LPIN2: variants seen among roughly 807,000 people sequenced by gnomAD.
LPIN2 encodes the protein phosphatidate phosphatase LPIN2.
In LPIN2, 55 loss-of-function variants were observed where a neutral mutation model predicts 111.4. The observed-to-expected ratio is 0.49, with a 90% CI of 0.40 to 0.62. The LOEUF is 0.62. Among genes scored for constraint, LPIN2 ranks in the 20% least tolerant of loss-of-function variants. The pLI, the probability that LPIN2 is intolerant of heterozygous loss-of-function variation, is 0.00. For missense variants in LPIN2, 992 were observed against 1,112.1 expected, an observed-to-expected ratio of 0.89 and a Z score of 1.54; for synonymous variants, 425 against 414.0, an observed-to-expected ratio of 1.03 and a Z score of -0.32.
intron 1 of LPIN2, among the ~76,000 whole-genome samples, chr18:2,998,952 T>C (rs11661976): frequency 0.064 from 9,806 of 152,218 alleles, 410 homozygotes; most frequent in Non-Finnish European, 0.095. Context: ...CATGCAGAAA[T>C]TTTGGCAGTC....
chr18:2,998,576 G>A (rs1446812735), intron 1 of LPIN2, among the ~76,000 whole-genome samples: 3 of 152,058 alleles, frequency 2.0e-5, no homozygotes, highest in Non-Finnish European at 4.4e-5. Flanking sequence ...TATTATAAAG[G>A]AAATAAAAGA....
intron 8 of LPIN2, 134 bp from the exon 9 acceptor site, chr18:2,931,577 T>C: frequency 1.2e-6 from 1 of 802,222 alleles, no homozygotes; most frequent in South Asian, 1.5e-5. Flanking sequence ...CAATCAGGCA[T>C]AACTTTTCTT....
chr18:2,943,837 C>T (rs1443260882), intron 4 of LPIN2, among the ~76,000 whole-genome samples: 3 of 152,128 alleles, frequency 2.0e-5, no homozygotes, highest in Non-Finnish European at 4.4e-5. Context: ...TTATTTGTAA[C>T]AGAGCTAAAC....
At chr18:2,944,513 A>G (rs1486543670) in intron 4 of LPIN2, among the ~76,000 whole-genome samples, 9 of 151,572 alleles carry the variant, frequency 5.9e-5, no homozygotes, top group Non-Finnish European at 8.8e-5. Flanking sequence ...CACTACGCCC[A>G]GCTAATTTTT....
At chr18:2,945,242 A>C (rs959353577) in intron 4 of LPIN2, among the ~76,000 whole-genome samples, 6 of 152,238 alleles carry the variant, frequency 3.9e-5, no homozygotes, top group Non-Finnish European at 7.3e-5. Context: ...TTCTTTGCTT[A>C]ACAGAGAAAT....
intron 1 of LPIN2, among the ~76,000 whole-genome samples, chr18:2,964,371 T>C (rs933212775): frequency 4.0e-5 from 6 of 148,564 alleles, no homozygotes; most frequent in Non-Finnish European, 4.4e-5. Context: ...ACCACCAAAT[T>C]CATATATTGA....
rs767620772 is a variant in LPIN2, at chr18:2,922,119, T to C, written c.2255A>G (p.Asn752Ser). ...CCGGGGCAAGATTGTGCCCTTGTCA[T>C]TGACCCAGTGCAGGTAGCCACGGGT... ...DMTRGYLHWVNDKGTILPRGP... is the reference protein window; with the variant it reads ...DMTRGYLHWVSDKGTILPRGP... Residue 752 changes from asparagine to serine, a missense_variant, in exon 17 of 20, where the codon AAT (asparagine) becomes AGT (serine). Physicochemically the swap from Asn to Ser is conservative, Grantham distance 46 (BLOSUM62 1). Around this residue, in one of 4 missense-constraint regions of LPIN2, gnomAD observed 185 missense variants for 186.5 expected, o/e 0.99. Transcript: ENST00000677752. 1.8e-5 allele frequency: 29 copies of C among 1,613,984 alleles called. No individual in the cohort carries two copies. The highest frequency in any genetic ancestry group is 5.0e-5 in the Admixed American group (3 of 60,014).
At chr18:2,964,717 A>G (rs1321389073) in intron 1 of LPIN2, among the ~76,000 whole-genome samples, 1 of 152,240 alleles carries the variant, frequency 6.6e-6, no homozygotes, top group Non-Finnish European at 1.5e-5. Context: ...GCTATGCTGC[A>G]TTTCAGTTTT....
In LPIN2 at chr18:2,923,856, T is replaced by C. The variant is rs1286112038; in HGVS notation, c.2093A>G (p.Asp698Gly). 1.9e-6 allele frequency: 3 copies of C among 1,613,848 alleles called. No individual in the cohort carries two copies. Among genetic ancestry groups the C allele is most frequent in the Non-Finnish European group, 2.5e-6 (3 of 1,179,824 alleles). ...CTGTGGGAGAATCTGTCCCAAAGCA[T>C]CCGACCTAAGAAGACGGTAGAAACA... is the stretch of plus-strand genomic sequence containing the variant. ...SDIDGTITKS[D>G]ALGQILPQLG... Residue 698 changes from aspartate to glycine, a missense_variant, in exon 16 of 20, where the codon GAT becomes GGT. Physicochemically the swap from Asp to Gly is moderately conservative, Grantham distance 94 (BLOSUM62 -1). Coordinates refer to ENST00000677752, the MANE Select transcript of LPIN2 (RefSeq NM_001375808.2).
intron 8 of LPIN2, among the ~76,000 whole-genome samples, chr18:2,933,437 G>A (rs761785165): frequency 1.5e-4 from 23 of 152,098 alleles, no homozygotes; most frequent in Non-Finnish European, 2.6e-4. Flanking sequence ...AAATAAAGCC[G>A]TTTCAGTTTT....
At position 2,925,866 on chromosome 18, in the gene LPIN2, G is replaced by GGTA. The variant is rs1260266443; in HGVS notation, c.1794-501_1794-499dup. On this transcript the variant is annotated intron_variant, in intron 13 of 19. Transcript: ENST00000677752. This position sits in a 1 kb window ranked among gnomAD's most constrained non-coding sequence, Gnocchi z 4.1. ...ACGGAACATTTAAAAATTAGCCAGGGGTAGTGACACTTGTCTGTGGTCCTA... is the reference window on the plus strand; with the variant it reads ...ACGGAACATTTAAAAATTAGCCAGGGGTAGTAGTGACACTTGTCTGTGGTCCTA... 6.6e-6 allele frequency among the ~76,000 whole-genome samples: 1 copy of GGTA among 151,104 alleles called. No homozygotes were observed. Among genetic ancestry groups the GGTA allele is most frequent in the African/African-American group, 2.4e-5 (1 of 41,060 alleles).
intron 1 of LPIN2, among the ~76,000 whole-genome samples, chr18:2,998,321 T>C (rs2078375913): frequency 6.6e-6 from 1 of 152,216 alleles, no homozygotes; most frequent in Admixed American, 6.5e-5. Context: ...ACTTGCATAC[T>C]AAGCTACTTC....
chr18:2,990,649 C>T (rs1050466758), intron 1 of LPIN2: 6 of 195,690 alleles, frequency 3.1e-5, no homozygotes, highest in Admixed American at 1.6e-4. Flanking sequence ...GGCCAATGGC[C>T]GTGACTACTG....
At chr18:3,011,049 A>G (rs2078594234) in intron 1 of LPIN2, among the ~76,000 whole-genome samples, 1 of 151,988 alleles carries the variant, frequency 6.6e-6, no homozygotes, top group African/African-American at 2.4e-5. Context: ...CGCATCCCAA[A>G]GCCGGCTATG....
chr18:2,923,385 A>C (rs2077083869), intron 16 of LPIN2, among the ~76,000 whole-genome samples: 1 of 125,462 alleles, frequency 8.0e-6, no homozygotes, highest in Non-Finnish European at 1.6e-5. Context: ...GCGCCATTGC[A>C]CTTCAGCCTG....
In LPIN2 at chr18:2,929,136, A is replaced by G; in HGVS notation, c.1479T>C (p.Ile493=). 1 of 1,605,918 alleles carries G rather than the reference A, an allele frequency of 6.2e-7. No individual in the cohort carries two copies. Among genetic ancestry groups the G allele is most frequent in the South Asian group, 1.1e-5 (1 of 90,892 alleles). The change falls in exon 10 of 20, where the codon ATT becomes ATC. Residue 493 remains isoleucine (I), a synonymous_variant. Coordinates refer to ENST00000677752, the MANE Select transcript of LPIN2 (RefSeq NM_001375808.2). ...ISKEKFMEHI[I]TYHEFAENPG... ...GGTTTTCTGCAAATTCGTGATAAGTAATGATATGCTCCATGAATTTTTCTG... is the reference window on the plus strand; with the variant it reads ...GGTTTTCTGCAAATTCGTGATAAGTGATGATATGCTCCATGAATTTTTCTG...
At chr18:3,001,660 A>AATCCCACAAGCACGGAATCG (rs2078437403) in intron 1 of LPIN2, among the ~76,000 whole-genome samples, 1 of 152,022 alleles carries the variant, frequency 6.6e-6, no homozygotes, top group African/African-American at 2.4e-5. Context: ...GCATGGAATC[A>AATCCCACAAGCACGGAATCG]AATCCCACAA....
At chr18:2,964,282 CAAAAAA>C (rs56276815) in intron 1 of LPIN2, among the ~76,000 whole-genome samples, 11 of 56,868 alleles carry the variant, frequency 1.9e-4, no homozygotes, top group Admixed American at 8.0e-4. Flanking sequence ...GACTCCGTCT[CAAAAAA>C]AAAAAAAAAA....
chr18:2,970,053 C>A (rs889363145), intron 1 of LPIN2, among the ~76,000 whole-genome samples: 2 of 152,194 alleles, frequency 1.3e-5, no homozygotes, highest in East Asian at 3.8e-4. Flanking sequence ...TGTGAAAAAA[C>A]TCAGAAATTC....
Sources: gnomAD v4.1 joint callset for allele counts (sites outside exome capture counted in the v4.1 genomes callset) on GRCh38, gnomAD v4.1.1 for gene constraint, gnomAD v4.1.1 regional missense constraint, Gnocchi (gnomAD v3.1) non-coding constraint, MANE v1.5 for transcripts, NCBI Gene and HGNC (gene_info 2026-07-23, HGNC 2026-07-21) for gene names.